Variants in IL1R1 observed in about 807,000 individuals in gnomAD.
The protein encoded by IL1R1 is interleukin-1 receptor type 1.
Under a neutral mutation model 50.2 loss-of-function variants are expected in IL1R1, and 22 were observed. The observed-to-expected ratio is 0.44, with a 90% confidence interval of 0.31 to 0.63. IL1R1 has a LOEUF of 0.63. IL1R1 is among the 20% of genes least tolerant of loss of function. IL1R1 has a pLI of 0.07. For synonymous variants in IL1R1, 251 were observed against 236.7 expected, an observed-to-expected ratio of 1.06 and a Z score of -0.55; for missense variants, 509 against 676.2, an observed-to-expected ratio of 0.75 and a Z score of 2.74.
Position 102,171,793 on chromosome 2 carries a change from C to T in IL1R1, c.722-8C>T. ...TTAATGTTAAGATTAAAAATACATT[C>T]TTTGCAGGATCCCAGATACAATTGA... is the stretch of plus-strand genomic sequence containing the variant. On this transcript the variant is annotated splice_region_variant and splice_polypyrimidine_tract_variant and intron_variant, in intron 7 of 11. Coordinates refer to ENST00000410023, the MANE Select transcript of IL1R1 (RefSeq NM_000877.4). The T allele has an allele frequency of 6.6e-7, 1 of 1,506,218 alleles. No individual in the cohort carries two copies. The highest frequency in any genetic ancestry group is 9.2e-7 in the Non-Finnish European group (1 of 1,088,596). The allele number at this position is 1,506,218 out of a possible 1,614,324, so 93.3% of individuals were successfully genotyped here. A position where few individuals can be genotyped will look rare whatever the true frequency, so the allele number is the denominator to read the frequency against.
At chr2:102,158,326 G>C (rs1008841083) in intron 3 of IL1R1, among the ~76,000 whole-genome samples, 1 of 152,190 alleles carries the variant, frequency 6.6e-6, no homozygotes, top group African/African-American at 2.4e-5. Flanking sequence ...TCTTGTAGAA[G>C]AGAGAGATAA....
At chr2:102,124,433 C>T (rs908292741) in intron 1 of IL1R1, among the ~76,000 whole-genome samples, 49 of 143,418 alleles carry the variant, frequency 3.4e-4, no homozygotes, top group Admixed American at 4.2e-4. Context: ...CCCACCACTG[C>T]CCCCCCAAAA....
At chr2:102,124,377 G>A (rs1453175460) in intron 1 of IL1R1, among the ~76,000 whole-genome samples, 4 of 151,862 alleles carry the variant, frequency 2.6e-5, no homozygotes, top group Non-Finnish European at 4.4e-5. Flanking sequence ...CTGAGATTGC[G>A]CCACTGCACT....
At chr2:102,122,794 A>T (rs1681472377) in intron 1 of IL1R1, among the ~76,000 whole-genome samples, 1 of 152,300 alleles carries the variant, frequency 6.6e-6, no homozygotes, top group Non-Finnish European at 1.5e-5. Context: ...CAGAAAACAC[A>T]GTCACTCTGC....
Position 102,152,504 on chromosome 2 carries a change from C to CAA in IL1R1, c.-83-1401_-83-1400dup, listed in dbSNP as rs70946674. Among the ~76,000 whole-genome samples the CAA allele has an allele frequency of 3.5e-3, 104 of 29,686 alleles. 28 individuals carry two copies. The highest frequency in any genetic ancestry group is 0.026 in the East Asian group (9 of 342). 19.5% of individuals were successfully genotyped at this position (29,686 alleles called of 152,430 possible). ...TGGGGGACAGAGCAAGACTCCGTCT[C>CAA]AAAAAAAAAAAAAAAAAAAAAAAAA... On this transcript the variant is annotated intron_variant, in intron 1 of 11. Coordinates refer to ENST00000410023, the MANE Select transcript of IL1R1 (RefSeq NM_000877.4).
At chr2:102,163,798 T>C (rs1385302048) in intron 3 of IL1R1, among the ~76,000 whole-genome samples, 3 of 152,228 alleles carry the variant, frequency 2.0e-5, no homozygotes, top group Non-Finnish European at 4.4e-5. Context: ...GATTTTACCA[T>C]GTTGGGTGCT....
At chr2:102,140,978 C>T (rs368832827), upstream of IL1R1, among the ~76,000 whole-genome samples, 86 of 152,298 alleles carry the variant, frequency 5.6e-4, no homozygotes, top group Admixed American at 2.7e-3. Context: ...ACAAAAATTA[C>T]GGATTTTATT....
intron 1 of IL1R1, among the ~76,000 whole-genome samples, chr2:102,131,244 C>A (rs1682013614): frequency 6.6e-6 from 1 of 152,124 alleles, no homozygotes; most frequent in Admixed American, 6.5e-5. Flanking sequence ...AAAGCAAGAT[C>A]CAAAAGAATC....
chr2:102,154,060 T>G (rs1469104481), intron 2 of IL1R1, 43 bp downstream of exon 2: 2 of 152,298 alleles, frequency 1.3e-5, no homozygotes, highest in African/African-American at 4.8e-5. Flanking sequence ...GCCGGCCTTT[T>G]CTCACAAATA....
intron 1 of IL1R1, among the ~76,000 whole-genome samples, chr2:102,117,784 G>A (rs1163566416): frequency 6.6e-6 from 1 of 152,120 alleles, no homozygotes; most frequent in Non-Finnish European, 1.5e-5. Flanking sequence ...ATTGCCCAGT[G>A]TTCCGAGTGC....
intron 1 of IL1R1, among the ~76,000 whole-genome samples, chr2:102,111,951 T>A (rs1433033852): frequency 6.6e-6 from 1 of 152,184 alleles, no homozygotes; most frequent in Non-Finnish European, 1.5e-5. Flanking sequence ...CTCCCACCCC[T>A]GAAATCTGAG....
intron 1 of IL1R1, among the ~76,000 whole-genome samples, chr2:102,129,256 T>TACAACA (rs71866133): frequency 0.046 from 6,889 of 149,470 alleles, 221 homozygotes; most frequent in African/African-American, 0.081. Flanking sequence ...CCCAAAAACC[T>TACAACA]ACAACAACAA....
chr2:102,162,419 G>T (rs1053047898), intron 3 of IL1R1, among the ~76,000 whole-genome samples: 1 of 152,088 alleles, frequency 6.6e-6, no homozygotes, highest in Non-Finnish European at 1.5e-5. Context: ...ATATATTAGG[G>T]TTTAATTCTG....
At chr2:102,112,679 T>C (rs967036689) in intron 1 of IL1R1, among the ~76,000 whole-genome samples, 5 of 152,198 alleles carry the variant, frequency 3.3e-5, no homozygotes, top group Non-Finnish European at 7.3e-5. Flanking sequence ...AGAAATGTAG[T>C]CATAAAACTT....
intron 1 of IL1R1, among the ~76,000 whole-genome samples, chr2:102,122,077 A>G (rs1681437306): frequency 6.6e-6 from 1 of 152,166 alleles, no homozygotes; most frequent in South Asian, 2.1e-4. Context: ...GAATCAATAC[A>G]CATGGGGCTG....
chr2:102,168,536 G>T, intron 6 of IL1R1, 62 bp from the exon 7 acceptor site: 1 of 1,306,322 alleles, frequency 7.7e-7, no homozygotes, highest in South Asian at 1.2e-5. Context: ...GCTAAGTGTT[G>T]TCGTCACTTG....
At chr2:102,136,162 T>C (rs1682327183) in intron 1 of IL1R1, among the ~76,000 whole-genome samples, 1 of 152,124 alleles carries the variant, frequency 6.6e-6, no homozygotes, top group South Asian at 2.1e-4. Flanking sequence ...ATATTCTAAA[T>C]GGTATGCTGA....
chr2:102,174,526 C>CA, intron 9 of IL1R1, 61 bp from the exon 10 acceptor site: 1 of 1,330,518 alleles, frequency 7.5e-7, no homozygotes, highest in Non-Finnish European at 1.0e-6. Context: ...TTGCTGTGCT[C>CA]AAAGTTTTAA....
In IL1R1 at chr2:102,161,274, T is replaced by C. The variant is rs1055124482; in HGVS notation, c.61+3489T>C. On this transcript the variant is annotated intron_variant, in intron 3 of 11. Transcript: ENST00000410023. ...TTTCTATTATTGATTTCTAATCTAA[T>C]TCCATTGTCACCAGAGAATAAGTTT... is the stretch of plus-strand genomic sequence containing the variant. Among the ~76,000 whole-genome samples, 10 of 152,350 alleles carry C rather than the reference T, an allele frequency of 6.6e-5. No individual in the cohort carries two copies. The Middle Eastern group carries it at 0.01, about 155-fold the overall frequency.
Sources: gnomAD v4.1 joint callset for allele counts (sites outside exome capture counted in the v4.1 genomes callset) on GRCh38, gnomAD v4.1.1 for gene constraint, MANE v1.5 for transcripts, NCBI Gene and HGNC (gene_info 2026-07-23, HGNC 2026-07-21) for gene names.